Variants in HIVEP3 observed in about 807,000 individuals in gnomAD.
HIVEP3 encodes HIVEP zinc finger 3.
HIVEP3 carries 49 observed loss-of-function variants against 152.8 expected under a neutral mutation model. That is an observed-to-expected ratio of 0.32 (90% CI 0.26 to 0.41). The LOEUF (loss-of-function observed/expected upper bound fraction) is 0.41. Ranked by LOEUF, HIVEP3 falls within the 10% of genes least tolerant of loss-of-function variation. The probability of loss-of-function intolerance (pLI) is 1.00; values close to 1 mark genes in which losing one functional copy is unlikely to be tolerated. For synonymous variants in HIVEP3, 1,269 were observed against 1,289.0 expected (o/e 0.98, Z 0.33); for missense variants, 2,790 against 3,103.3 (o/e 0.90, Z 2.40).
At chr1:41,934,429 T>C (rs560685203) in intron 1 of HIVEP3, among the ~76,000 whole-genome samples, 1 of 152,210 alleles carries the variant, frequency 6.6e-6, no homozygotes, top group Admixed American at 6.5e-5. Flanking sequence ...CCAGCAACCT[T>C]AGGACTCCAG....
At chr1:42,005,003 C>T (rs1200929759) in intron 1 of HIVEP3, among the ~76,000 whole-genome samples, 1 of 152,158 alleles carries the variant, frequency 6.6e-6, no homozygotes, top group Non-Finnish European at 1.5e-5. Flanking sequence ...TCAGAGGGGA[C>T]AGGAAATCCC....
chr1:41,690,330 C>G (rs943050386), intron 2 of HIVEP3, among the ~76,000 whole-genome samples: 6 of 152,294 alleles, frequency 3.9e-5, no homozygotes, highest in South Asian at 2.1e-4. Flanking sequence ...CAGGGGATGG[C>G]TGGGTGTGGC....
intron 1 of HIVEP3, among the ~76,000 whole-genome samples, chr1:41,929,724 TTTTATATATATA>T (rs148420510): frequency 0.18 from 5,642 of 30,570 alleles, 616 homozygotes; most frequent in African/African-American, 0.3. Context: ...GTATATGTGT[TTTTATATATATA>T]TATATATATA....
At chr1:41,657,570 A>G (rs1320432966) in intron 2 of HIVEP3, among the ~76,000 whole-genome samples, 2 of 152,104 alleles carry the variant, frequency 1.3e-5, no homozygotes, top group African/African-American at 4.8e-5. Flanking sequence ...TGCAGTTTTT[A>G]TTATTCTCAG....
chr1:41,992,796 CAG>C (rs1645371037), intron 1 of HIVEP3, among the ~76,000 whole-genome samples: 1 of 142,686 alleles, frequency 7.0e-6, no homozygotes, highest in African/African-American at 2.7e-5. Flanking sequence ...GGTACCAAAA[CAG>C]AGATATAGAT....
At position 41,579,840 on chromosome 1, in the gene HIVEP3, G is replaced by C. The variant is rs755895119; in HGVS notation, c.4958C>G (p.Ser1653Cys). The change falls in exon 4 of 9, where the codon TCT becomes TGT. Residue 1653 changes from serine to cysteine, a missense_variant. Physicochemically the swap from Ser to Cys is moderately radical, Grantham distance 112 (BLOSUM62 -1). Coordinates refer to ENST00000372583, the MANE Select transcript of HIVEP3 (RefSeq NM_024503.5). ...STKAALSLLR[S>C]KQKVSKETYT... is the part of the protein sequence containing the mutation. ...TGTCTCTTTGCTCACTTTCTGCTTA[G>C]ACCTCAGGAGGGACAAAGCAGCTTT... 13 of 1,613,998 alleles carry C rather than the reference G, an allele frequency of 8.1e-6. No homozygotes were observed. Among genetic ancestry groups the C allele is most frequent in the Non-Finnish European group, 1.1e-5 (13 of 1,179,996 alleles).
At chr1:41,687,548 G>A in intron 2 of HIVEP3, among the ~76,000 whole-genome samples, 1 of 152,236 alleles carries the variant, frequency 6.6e-6, no homozygotes, top group Non-Finnish European at 1.5e-5. Flanking sequence ...AGCAGTCTTA[G>A]GTAATGGATC....
chr1:41,631,615 A>C (rs1036178136), intron 2 of HIVEP3, among the ~76,000 whole-genome samples: 1 of 151,812 alleles, frequency 6.6e-6, no homozygotes, highest in Non-Finnish European at 1.5e-5. Flanking sequence ...CCCCTTCCCA[A>C]TGTACCTGCT....
intron 6 of HIVEP3, among the ~76,000 whole-genome samples, chr1:41,518,913 C>A (rs621680): frequency 1.9e-4 from 29 of 150,432 alleles, no homozygotes; most frequent in African/African-American, 6.6e-4. Flanking sequence ...TGTGGGATGA[C>A]GTGGGAGGCT....
At chr1:41,692,438 T>C (rs1646211912) in intron 2 of HIVEP3, among the ~76,000 whole-genome samples, 1 of 152,218 alleles carries the variant, frequency 6.6e-6, no homozygotes, top group Admixed American at 6.5e-5. Context: ...ATAGCGCCAC[T>C]GGCCCTGAGT....
chr1:41,878,310 AT>A (rs1644203069), intron 1 of HIVEP3, among the ~76,000 whole-genome samples: 1 of 152,148 alleles, frequency 6.6e-6, no homozygotes, highest in African/African-American at 2.4e-5. Flanking sequence ...TTAGCTACCA[AT>A]TTTAAGGATG....
chr1:41,645,257 C>G (rs1241511635), intron 2 of HIVEP3, among the ~76,000 whole-genome samples: 1 of 152,158 alleles, frequency 6.6e-6, no homozygotes, highest in Non-Finnish European at 1.5e-5. Context: ...CTGCAGGGCT[C>G]CTTCTCTGAG....
chr1:41,932,304 T>C (rs181596175), intron 1 of HIVEP3, among the ~76,000 whole-genome samples: 154 of 150,840 alleles, frequency 1.0e-3, no homozygotes, highest in African/African-American at 3.6e-3. Context: ...TTTGTTTTTT[T>C]GTTTGTTTGT....
chr1:41,824,555 G>T (rs575152964), intron 1 of HIVEP3, among the ~76,000 whole-genome samples: 1 of 151,724 alleles, frequency 6.6e-6, no homozygotes, highest in East Asian at 1.9e-4. Flanking sequence ...CAACAACCCA[G>T]TTACCACTTA....
intron 1 of HIVEP3, among the ~76,000 whole-genome samples, chr1:41,795,347 T>G (rs1308390202): frequency 6.6e-6 from 1 of 152,248 alleles, no homozygotes; most frequent in Non-Finnish European, 1.5e-5. Flanking sequence ...GCTGTGGGTT[T>G]TTGGAGGAAT....
At position 41,512,789 on chromosome 1, in the gene HIVEP3, G is replaced by C. The variant is rs1434164953; in HGVS notation, c.6405+27C>G. ...CCCCTGCACCCACAGGGGAGAAGCG[G>C]CCCAGCCACCAGGGGCAGGAACTCA... is the stretch of plus-strand genomic sequence containing the variant. On this transcript the variant is annotated intron_variant, in intron 8 of 8. Transcript: ENST00000372583. The C allele has an allele frequency of 2.7e-6, 4 of 1,457,368 alleles. No homozygotes were observed. The African/African-American group carries it at 5.7e-5, about 21-fold the overall frequency. 90.3% of individuals were successfully genotyped at this position (1,457,368 alleles called of 1,614,324 possible). A position where few individuals can be genotyped will look rare whatever the true frequency, so the allele number is the denominator to read the frequency against.
chr1:41,879,466 T>G (rs1275858181), intron 1 of HIVEP3, among the ~76,000 whole-genome samples: 3 of 152,230 alleles, frequency 2.0e-5, no homozygotes, highest in Non-Finnish European at 4.4e-5. Flanking sequence ...TGACCTTCTC[T>G]TCCCCTCTTC....
chr1:41,888,202 A>ATTTTTTTT (rs61561436), intron 1 of HIVEP3, among the ~76,000 whole-genome samples: 1,253 of 98,390 alleles, frequency 0.013, no homozygotes, highest in Non-Finnish European at 0.015. Flanking sequence ...CGCCCGGCTA[A>ATTTTTTTT]TTTTTTTTTT....
chr1:41,649,320 A>C (rs1302959803), intron 2 of HIVEP3, among the ~76,000 whole-genome samples: 1 of 152,192 alleles, frequency 6.6e-6, no homozygotes, highest in Non-Finnish European at 1.5e-5. Context: ...CCCAGGCTCC[A>C]CCTTCTCCCA....
Sources: gnomAD v4.1 joint callset for allele counts (sites outside exome capture counted in the v4.1 genomes callset) on GRCh38, gnomAD v4.1.1 for gene constraint, MANE v1.5 for transcripts, NCBI Gene and HGNC (gene_info 2026-07-23, HGNC 2026-07-21) for gene names.